The following RELN variants were observed in gnomAD, a reference collection of about 807,000 sequenced individuals.
RELN encodes the protein reelin.
In RELN, 108 loss-of-function variants were observed where a neutral mutation model predicts 427.6. The ratio of observed to expected loss-of-function variants is 0.25; its 90% CI spans 0.22 to 0.30. The LOEUF (loss-of-function observed/expected upper bound fraction) is 0.30. Among genes scored for constraint, RELN ranks in the 10% least tolerant of loss-of-function variants. The pLI is 1.00. For synonymous variants in RELN, 1,524 were observed against 1,513.4 expected, an observed-to-expected ratio of 1.01 and a Z score of -0.16; for missense variants, 3,715 against 4,302.8, an observed-to-expected ratio of 0.86 and a Z score of 3.82.
chr7:103,773,847 A>C (rs572311941), intron 4 of RELN, among the ~76,000 whole-genome samples: 2 of 152,172 alleles, frequency 1.3e-5, no homozygotes, highest in Non-Finnish European at 1.5e-5. Flanking sequence ...CCTCCAGGCA[A>C]ACTTAGCTAC....
intron 50 of RELN, 81 bp from the exon 51 acceptor site, chr7:103,511,086 G>T (rs1584251192): frequency 2.0e-6 from 2 of 985,580 alleles, no homozygotes; most frequent in African/African-American, 1.6e-5. Flanking sequence ...GCAAGACATA[G>T]AATTATTTTA....
rs573756066 is a variant in RELN, at chr7:103,472,281, A to G, written c.*531T>C. On this transcript the variant is annotated 3_prime_UTR_variant, in exon 65 of 65. Coordinates refer to ENST00000428762, the MANE Select transcript of RELN (RefSeq NM_005045.4). ...TATTTCAATTAATTTTCTGCAGAAT[A>G]TAAGTAGCCCCAAATTCAGCAGCAA... 16 of 163,200 alleles carry G rather than the reference A, an allele frequency of 9.8e-5. No homozygotes were observed. The highest frequency in any genetic ancestry group is 3.6e-4 in the African/African-American group (15 of 41,622). The allele number at this position is 163,200 out of a possible 1,614,324, so 10.1% of individuals were successfully genotyped here. A position where few individuals can be genotyped will look rare whatever the true frequency, so the allele number is the denominator to read the frequency against.
In RELN at chr7:103,742,026, G is replaced by A. The variant is rs147371892; in HGVS notation, c.656+7400C>T. 9.5e-3 allele frequency among the ~76,000 whole-genome samples: 1,447 copies of A among 152,122 alleles called. 17 individuals carry two copies. The highest frequency in any genetic ancestry group is 0.033 in the African/African-American group (1,353 of 41,476). On this transcript the variant is annotated intron_variant, in intron 6 of 64. Coordinates refer to ENST00000428762, the MANE Select transcript of RELN (RefSeq NM_005045.4). ...CTGGGAGGCACCCCCCAGTAGGGGC[G>A]GACTGACACCGCACACGGCCAGGTA...
chr7:103,895,205 C>T (rs1352648483), intron 2 of RELN, among the ~76,000 whole-genome samples: 1 of 151,970 alleles, frequency 6.6e-6, no homozygotes, highest in African/African-American at 2.4e-5. Flanking sequence ...TTAAACTTGG[C>T]TAATTAGCAT....
chr7:103,913,778 T>G (rs895423059), intron 2 of RELN, among the ~76,000 whole-genome samples: 58 of 152,326 alleles, frequency 3.8e-4, no homozygotes, highest in Middle Eastern at 3.4e-3. Context: ...AAAATTAACT[T>G]TGTTATATAA....
intron 1 of RELN, among the ~76,000 whole-genome samples, chr7:103,958,555 AGT>A (rs1796483060): frequency 6.6e-6 from 1 of 152,118 alleles, no homozygotes; most frequent in Non-Finnish European, 1.5e-5. Flanking sequence ...TGAGGCTCTC[AGT>A]GTGTTTCTCA....
intron 1 of RELN, among the ~76,000 whole-genome samples, chr7:103,934,111 G>A (rs1034876016): frequency 5.0e-5 from 6 of 120,266 alleles, no homozygotes; most frequent in African/African-American, 2.3e-4. Flanking sequence ...TAGGACAGTT[G>A]GTGACCACAA....
intron 1 of RELN, among the ~76,000 whole-genome samples, chr7:103,977,354 G>A (rs887899658): frequency 6.9e-6 from 1 of 144,354 alleles, no homozygotes; most frequent in African/African-American, 2.7e-5. Context: ...CTGGCAGTTT[G>A]AAGTGAGGCA....
At position 103,834,894 on chromosome 7, in the gene RELN, A is replaced by G. The variant is rs560457907; in HGVS notation, c.338-1222T>C. Among the ~76,000 whole-genome samples, 5 of 152,292 alleles carry G rather than the reference A, an allele frequency of 3.3e-5. No homozygotes were observed. In the East Asian group the frequency reaches 9.6e-4, roughly 29 times the overall value. ...CCTCTTTGGAAGACAGTTTGGCAGT[A>G]TTTTTACAAAACTAGACATATTTTT... is the stretch of plus-strand genomic sequence containing the variant. On this transcript the variant is annotated intron_variant, in intron 2 of 64. Coordinates refer to ENST00000428762, the MANE Select transcript of RELN (RefSeq NM_005045.4).
chr7:103,712,032 A>G (rs192394780), intron 8 of RELN, among the ~76,000 whole-genome samples: 10 of 152,194 alleles, frequency 6.6e-5, no homozygotes, highest in Non-Finnish European at 1.2e-4. Flanking sequence ...AACCTCAGGG[A>G]CTCAAGCCAG....
chr7:103,980,229 T>A (rs1796964099), intron 1 of RELN, among the ~76,000 whole-genome samples: 1 of 151,954 alleles, frequency 6.6e-6, no homozygotes, highest in Non-Finnish European at 1.5e-5. Context: ...TTAAAAAGGT[T>A]GTAAATCACT....
intron 63 of RELN, among the ~76,000 whole-genome samples, chr7:103,480,068 A>G (rs1828178301): frequency 6.6e-6 from 1 of 152,224 alleles, no homozygotes; most frequent in Non-Finnish European, 1.5e-5. Flanking sequence ...ACAGTTACGT[A>G]GGGTTTGTAT....
intron 51 of RELN, 96 bp downstream of exon 51, chr7:103,510,750 ATATAC>A (rs1176806885): frequency 2.1e-6 from 2 of 960,872 alleles, no homozygotes; most frequent in African/African-American, 3.3e-5. Context: ...TTTTCAAAGT[ATATAC>A]TAAGTCAATG....
intron 2 of RELN, among the ~76,000 whole-genome samples, chr7:103,891,657 T>A (rs540861476): frequency 6.6e-6 from 1 of 152,212 alleles, no homozygotes; most frequent in Admixed American, 6.5e-5. Flanking sequence ...AAGTTTCAAC[T>A]CCCCACCATC....
chr7:103,584,406 G>A (rs1831223416), intron 28 of RELN, among the ~76,000 whole-genome samples: 1 of 152,114 alleles, frequency 6.6e-6, no homozygotes, highest in Admixed American at 6.6e-5. Context: ...AAATGAGTAA[G>A]AGTAACTACA....
Position 103,847,340 on chromosome 7 carries a change from C to G in RELN, c.338-13668G>C, listed in dbSNP as rs1793704836. On this transcript the variant is annotated intron_variant, in intron 2 of 64. Transcript: ENST00000428762. The stretch of plus-strand genomic sequence containing the variant: ...AACAGGAAACCAAGCACCGCATGTT[C>G]TCACTCATAAGTGGGAGTTGAACAA... Among the ~76,000 whole-genome samples, 3 of 152,284 alleles carry G rather than the reference C, an allele frequency of 2.0e-5. No individual in the cohort carries two copies. In the South Asian group the frequency reaches 6.2e-4, roughly 32 times the overall value.
chr7:103,496,756 G>A lies in RELN; in HGVS notation c.8963C>T (p.Thr2988Ile). 1 of 1,613,922 alleles carries A rather than the reference G, an allele frequency of 6.2e-7. No individual in the cohort carries two copies. The highest frequency in any genetic ancestry group is 8.5e-7 in the Non-Finnish European group (1 of 1,179,886). Residue 2988 changes from threonine (T) to isoleucine (I), a missense_variant, in exon 56 of 65, where the codon ACT (threonine) becomes ATT (isoleucine). Thr to Ile is a moderately conservative substitution (Grantham distance 89). This residue lies in a region of RELN where 1,310 missense variants were observed against 1,643.0 expected (regional missense o/e 0.80). Coordinates refer to ENST00000428762, the MANE Select transcript of RELN (RefSeq NM_005045.4). ...CTGGTAATCCATCTCATGGAGCAAA[G>A]TCCAGGTAATTCCTATAATAACAAA... is the stretch of plus-strand genomic sequence containing the variant. ...DYSTDGGITWTLLHEMDYQKY... is the reference protein window; with the variant it reads ...DYSTDGGITWILLHEMDYQKY...
At chr7:103,839,350 C>T (rs1398163731) in intron 2 of RELN, among the ~76,000 whole-genome samples, 1 of 136,024 alleles carries the variant, frequency 7.4e-6, no homozygotes, top group Non-Finnish European at 1.5e-5. Context: ...TATTATACTG[C>T]TACACATTGT....
At chr7:103,479,226 G>A (rs1230995531) in intron 63 of RELN, among the ~76,000 whole-genome samples, 1 of 152,152 alleles carries the variant, frequency 6.6e-6, no homozygotes, top group African/African-American at 2.4e-5. Context: ...CAACAAAAAT[G>A]GTTAAGACAA....
Sources: allele counts gnomAD v4.1 joint callset (sites outside exome capture counted in the v4.1 genomes callset), GRCh38; gene constraint gnomAD v4.1.1; regional missense constraint gnomAD v4.1.1; transcripts MANE v1.5; gene names NCBI Gene and HGNC (gene_info 2026-07-23, HGNC 2026-07-21).